Variants in SLC24A2 observed in about 807,000 individuals in gnomAD.
SLC24A2 encodes the protein sodium/potassium/calcium exchanger 2.
In SLC24A2, 36 loss-of-function variants were observed where a neutral mutation model predicts 62.0. The ratio of observed to expected loss-of-function variants is 0.58; its 90% CI spans 0.44 to 0.77. SLC24A2 has a LOEUF of 0.77. Among genes scored for constraint, SLC24A2 ranks in the 30% least tolerant of loss-of-function variants. The probability of loss-of-function intolerance (pLI) is 0.00; values close to 1 mark genes in which losing one functional copy is unlikely to be tolerated. For missense variants in SLC24A2, 846 were observed against 817.9 expected, an observed-to-expected ratio of 1.03 and a Z score of -0.42; for synonymous variants, 358 against 294.0, an observed-to-expected ratio of 1.22 and a Z score of -2.23.
the SLC24A2 span, among the ~76,000 whole-genome samples, chr9:19,989,948 C>T: frequency 3.3e-5 from 5 of 152,204 alleles, no homozygotes; most frequent in African/African-American, 1.2e-4. Context: ...CCTAGAATGT[C>T]AGAGAAAAGT....
the SLC24A2 span, among the ~76,000 whole-genome samples, chr9:20,208,155 C>T: frequency 6.6e-3 from 1,007 of 152,252 alleles, 7 homozygotes; most frequent in African/African-American, 0.022. Flanking sequence ...AATGGTACCC[C>T]TTAGGAAATG....
intron 2 of SLC24A2, among the ~76,000 whole-genome samples, chr9:19,722,226 GC>G (rs1821047190): frequency 1.3e-5 from 2 of 152,140 alleles, no homozygotes; most frequent in Non-Finnish European, 2.9e-5. Context: ...ATTTCAGAAT[GC>G]TGAAACAGAG....
chr9:19,858,991 T>C, the SLC24A2 span, among the ~76,000 whole-genome samples: 2 of 152,172 alleles, frequency 1.3e-5, no homozygotes, highest in African/African-American at 2.4e-5. Flanking sequence ...AGAAATTTCA[T>C]TATTGGGTAT....
chr9:20,179,444 T>C, the SLC24A2 span, among the ~76,000 whole-genome samples: 1 of 152,132 alleles, frequency 6.6e-6, no homozygotes, highest in African/African-American at 2.4e-5. Flanking sequence ...ATGGCGGTGA[T>C]AAAATATTCA....
chr9:19,543,519 A>G (rs543657763), intron 8 of SLC24A2, among the ~76,000 whole-genome samples: 10 of 150,146 alleles, frequency 6.7e-5, no homozygotes, highest in Non-Finnish European at 1.3e-4. Context: ...TTTAATTTTG[A>G]TGTTAGGGTG....
At chr9:20,171,747 T>C in the SLC24A2 span, among the ~76,000 whole-genome samples, 2 of 151,586 alleles carry the variant, frequency 1.3e-5, no homozygotes, top group Non-Finnish European at 3.0e-5. Context: ...AGAAATGAGC[T>C]AGCAACACAA....
the SLC24A2 span, among the ~76,000 whole-genome samples, chr9:20,175,017 T>G: frequency 6.8e-6 from 1 of 147,806 alleles, no homozygotes; most frequent in Non-Finnish European, 1.5e-5. Context: ...TCTGAATTTT[T>G]TATATATATA....
chr9:19,780,336 T>G (rs973481334), intron 2 of SLC24A2, among the ~76,000 whole-genome samples: 3 of 151,146 alleles, frequency 2.0e-5, no homozygotes, highest in Non-Finnish European at 4.4e-5. Context: ...GGCACGATCT[T>G]GGCTCACTGC....
At chr9:19,600,074 T>G (rs1383965674) in intron 4 of SLC24A2, among the ~76,000 whole-genome samples, 1 of 152,192 alleles carries the variant, frequency 6.6e-6, no homozygotes, top group Non-Finnish European at 1.5e-5. Context: ...CAGCTAGGAT[T>G]GGAAGAGCCA....
chr9:19,646,377 T>C (rs1818638922), intron 2 of SLC24A2, among the ~76,000 whole-genome samples: 1 of 152,204 alleles, frequency 6.6e-6, no homozygotes. Flanking sequence ...TCACAAAAAC[T>C]GGTATCCTCC....
At chr9:19,740,466 C>G (rs1272491862) in intron 2 of SLC24A2, among the ~76,000 whole-genome samples, 3 of 152,132 alleles carry the variant, frequency 2.0e-5, no homozygotes, top group African/African-American at 7.2e-5. Flanking sequence ...TAAATGAAGT[C>G]AAACCCCAAA....
chr9:20,212,919 G>T, the SLC24A2 span, among the ~76,000 whole-genome samples: 1 of 151,706 alleles, frequency 6.6e-6, no homozygotes. Flanking sequence ...TTCAATGCAG[G>T]AACAGAAAAC....
the SLC24A2 span, among the ~76,000 whole-genome samples, chr9:20,032,249 C>A: frequency 6.6e-6 from 1 of 152,198 alleles, no homozygotes; most frequent in Non-Finnish European, 1.5e-5. Flanking sequence ...TTCCTTAATT[C>A]TCTCTGTTAC....
At chr9:20,075,390 C>T in the SLC24A2 span, among the ~76,000 whole-genome samples, 4 of 152,266 alleles carry the variant, frequency 2.6e-5, no homozygotes, top group South Asian at 8.3e-4. Flanking sequence ...AGCTAGTTAG[C>T]AGCAAAGTTC....
chr9:20,000,542 G>A, the SLC24A2 span, among the ~76,000 whole-genome samples: 7 of 152,106 alleles, frequency 4.6e-5, no homozygotes, highest in Middle Eastern at 3.2e-3. Context: ...GAACACAAAC[G>A]GCCCTGAGAA....
intron 2 of SLC24A2, among the ~76,000 whole-genome samples, chr9:19,627,688 G>C (rs1818069744): frequency 6.6e-6 from 1 of 151,948 alleles, no homozygotes; most frequent in South Asian, 2.1e-4. Flanking sequence ...ATGATGCCCA[G>C]ATAATTACGA....
chr9:19,634,281 C>CTT (rs35884916), intron 2 of SLC24A2, among the ~76,000 whole-genome samples: 3,648 of 79,102 alleles, frequency 0.046, 201 homozygotes, highest in South Asian at 0.095. Context: ...ACTGCAGCCT[C>CTT]TTTTTTTTTT....
chr9:19,571,888 G>A (rs1432254535), intron 7 of SLC24A2, among the ~76,000 whole-genome samples: 5 of 151,658 alleles, frequency 3.3e-5, no homozygotes, highest in Admixed American at 6.6e-5. Flanking sequence ...GGACGGTCCT[G>A]AGATGAAATC....
At chr9:19,963,187 C>A in the SLC24A2 span, among the ~76,000 whole-genome samples, 144 of 133,704 alleles carry the variant, frequency 1.1e-3, no homozygotes, top group Admixed American at 4.9e-3. Flanking sequence ...GAAACTGGAT[C>A]CCTTCCTTAC....
Sources: allele counts gnomAD v4.1 joint callset (sites outside exome capture counted in the v4.1 genomes callset), GRCh38; gene constraint gnomAD v4.1.1; transcripts MANE v1.5; gene names NCBI Gene and HGNC (gene_info 2026-07-23, HGNC 2026-07-21).